The following OCA2 variants were observed in gnomAD, a reference collection of about 807,000 sequenced individuals.
OCA2 encodes P protein.
A neutral mutation model predicts 100.2 loss-of-function variants in OCA2; 77 were observed. The ratio of observed to expected loss-of-function variants is 0.77; its 90% CI spans 0.64 to 0.93. The LOEUF (loss-of-function observed/expected upper bound fraction) is 0.93. OCA2 is among the 40% of genes least tolerant of loss of function. The pLI, the probability that OCA2 is intolerant of heterozygous loss-of-function variation, is 0.00. For missense variants in OCA2, 1,062 were observed against 1,089.1 expected (o/e 0.98, Z 0.35); for synonymous variants, 432 against 439.2 (o/e 0.98, Z 0.21).
At chr15:27,841,149 T>C (rs938280498) in intron 23 of OCA2, among the ~76,000 whole-genome samples, 3 of 152,208 alleles carry the variant, frequency 2.0e-5, no homozygotes, top group African/African-American at 4.8e-5. Context: ...AATACTGGCA[T>C]GTGAAACAAT....
At chr15:27,806,949 C>T (rs2033879411) in intron 23 of OCA2, among the ~76,000 whole-genome samples, 1 of 152,198 alleles carries the variant, frequency 6.6e-6, no homozygotes, top group Admixed American at 6.5e-5. Context: ...ATGGCCTGAG[C>T]CAGACCTGGA....
intron 19 of OCA2, among the ~76,000 whole-genome samples, chr15:27,911,576 A>G (rs2166912): frequency 0.054 from 8,222 of 152,222 alleles, 760 homozygotes; most frequent in African/African-American, 0.19. Context: ...TGGCAGGAGC[A>G]GAAGTGAGGG....
chr15:28,052,908 C>T lies in OCA2; in HGVS notation c.228-20745G>A, dbSNP rs116067121. On this transcript the variant is annotated intron_variant, in intron 2 of 23. Transcript: ENST00000354638. ...TATCGCCTTACTCAGGCACGTAAGA[C>T]TCTGTGAGCAAGTATAACGCAAGGT... 9.5e-3 allele frequency among the ~76,000 whole-genome samples: 1,452 copies of T among 152,234 alleles called. 21 individuals carry two copies. The highest frequency in any genetic ancestry group is 0.033 in the African/African-American group (1,366 of 41,526).
At chr15:27,924,123 C>T (rs2038962908) in intron 19 of OCA2, among the ~76,000 whole-genome samples, 1 of 152,110 alleles carries the variant, frequency 6.6e-6, no homozygotes, top group Non-Finnish European at 1.5e-5. Context: ...GACTGCCTGC[C>T]CCACTGCTTG....
At chr15:27,733,735 A>G in the OCA2 span, among the ~76,000 whole-genome samples, 1 of 152,304 alleles carries the variant, frequency 6.6e-6, no homozygotes, top group East Asian at 1.9e-4. Context: ...TTTATTTATT[A>G]ATAATGAAAA....
chr15:27,984,410 C>T (rs2041273936), intron 13 of OCA2, among the ~76,000 whole-genome samples: 1 of 152,186 alleles, frequency 6.6e-6, no homozygotes, highest in South Asian at 2.1e-4. Flanking sequence ...TACACCTGCT[C>T]ATCCACACAG....
intron 23 of OCA2, among the ~76,000 whole-genome samples, chr15:27,814,883 T>TATAGATAGATAGATAG (rs201567846): frequency 2.2e-4 from 22 of 101,754 alleles, no homozygotes; most frequent in Non-Finnish European, 2.8e-4. Flanking sequence ...ATTCTCTCTC[T>TATAGATAGATAGATAG]ATAGATAGAT....
At chr15:27,821,060 T>C (rs1165736810) in intron 23 of OCA2, among the ~76,000 whole-genome samples, 2 of 152,108 alleles carry the variant, frequency 1.3e-5, no homozygotes, top group East Asian at 1.9e-4. Context: ...AAGTGAGACA[T>C]TGAGACATTG....
intron 23 of OCA2, among the ~76,000 whole-genome samples, chr15:27,824,622 A>ATATATATATATATATATAT (rs56130193): frequency 5.8e-5 from 4 of 69,180 alleles, no homozygotes; most frequent in East Asian, 9.9e-4. Context: ...ATATATATAT[A>ATATATATATATATATATAT]ATATAATATA....
chr15:27,849,474 G>C (rs981125960), intron 22 of OCA2, among the ~76,000 whole-genome samples: 2 of 151,684 alleles, frequency 1.3e-5, no homozygotes, highest in Admixed American at 1.3e-4. Flanking sequence ...TTTTCTGAAG[G>C]CTTATTTGAA....
chr15:27,795,519 C>T (rs1820451272), intron 23 of OCA2, among the ~76,000 whole-genome samples: 1 of 152,182 alleles, frequency 6.6e-6, no homozygotes, highest in Non-Finnish European at 1.5e-5. Context: ...GGCAAGTTGG[C>T]ACTACAACCA....
At chr15:28,024,195 C>T (rs549557217) in intron 5 of OCA2, among the ~76,000 whole-genome samples, 60 of 152,278 alleles carry the variant, frequency 3.9e-4, no homozygotes, top group African/African-American at 1.3e-3. Context: ...TGCTAGGACC[C>T]CTCCAATGAA....
chr15:28,096,119 TTGTCTCCGGGGCGTGGTCG>T (rs1185031776), intron 1 of OCA2, among the ~76,000 whole-genome samples: 2 of 150,594 alleles, frequency 1.3e-5, no homozygotes, highest in Non-Finnish European at 3.0e-5. Context: ...GGGGCGTAGC[TTGTCTCCGGGGCGTGGTCG>T]TGTCTCCGGG....
chr15:27,987,502 G>A (rs1364702311), intron 11 of OCA2, among the ~76,000 whole-genome samples: 3 of 151,134 alleles, frequency 2.0e-5, no homozygotes, highest in Non-Finnish European at 2.9e-5. Context: ...GGCGGATCAC[G>A]AGATCAGGAG....
At position 27,983,404 on chromosome 15, in the gene OCA2, T is replaced by C; in HGVS notation, c.1444A>G (p.Thr482Ala). The C allele has an allele frequency of 6.2e-7, 1 of 1,614,210 alleles. No individual in the cohort carries two copies. The highest frequency in any genetic ancestry group is 8.5e-7 in the Non-Finnish European group (1 of 1,180,020). ...VIFTNIGGAA[T>A]AIGDPPNVII... The stretch of plus-strand genomic sequence containing the variant: ...ACATTTGGAGGGTCCCCGATGGCAG[T>C]GGCAGCTCCTCCAATGTTTGTGAAG... The change falls in exon 14 of 24, where the codon ACT becomes GCT. Residue 482 changes from threonine to alanine, a missense_variant. Transcript: ENST00000354638.
At chr15:28,059,963 C>T (rs2043820747) in intron 2 of OCA2, among the ~76,000 whole-genome samples, 1 of 152,252 alleles carries the variant, frequency 6.6e-6, no homozygotes. Flanking sequence ...TTTCTCCCCA[C>T]CCAAGGAGCA....
chr15:27,755,392 T>C lies in OCA2; in HGVS notation c.2513A>G (p.Asn838Ser). 1 of 1,606,980 alleles carries C rather than the reference T, an allele frequency of 6.2e-7. No homozygotes were observed. The highest frequency in any genetic ancestry group is 2.2e-5 in the East Asian group (1 of 44,842). ...CGAGCAATAGATGGATGTCTATTAA[T>C]TCCATCCCACCACCACATGAGCCAC... is the stretch of plus-strand genomic sequence containing the variant. ...LLVAHVVVGW[N>S] is the part of the protein sequence containing the mutation. Residue 838 changes from asparagine (N) to serine (S), a missense_variant, in exon 24 of 24, where the codon AAT (asparagine) becomes AGT (serine). Physicochemically the swap from Asn to Ser is conservative, Grantham distance 46. Coordinates refer to ENST00000354638, the MANE Select transcript of OCA2 (RefSeq NM_000275.3).
At chr15:27,844,781 G>C (rs113937352) in intron 23 of OCA2, among the ~76,000 whole-genome samples, 178 bp downstream of exon 23, 1 of 152,070 alleles carries the variant, frequency 6.6e-6, no homozygotes. Flanking sequence ...GATTACAGGC[G>C]TGAGCCACCA....
At chr15:27,722,248 C>T in the OCA2 span, among the ~76,000 whole-genome samples, 1 of 152,194 alleles carries the variant, frequency 6.6e-6, no homozygotes, top group Non-Finnish European at 1.5e-5. Context: ...AATAAAGAGA[C>T]TGTGAATACC....
Sources: gnomAD v4.1 joint callset for allele counts (sites outside exome capture counted in the v4.1 genomes callset) on GRCh38, gnomAD v4.1.1 for gene constraint, MANE v1.5 for transcripts, NCBI Gene and HGNC (gene_info 2026-07-23, HGNC 2026-07-21) for gene names.